MALT1: variants seen among roughly 807,000 people sequenced by gnomAD.
MALT1 encodes mucosa-associated lymphoid tissue lymphoma translocation protein 1.
In MALT1, 36 loss-of-function variants were observed where a neutral mutation model predicts 85.5. The ratio of observed to expected loss-of-function variants is 0.42; its 90% confidence interval spans 0.32 to 0.56. The LOEUF (loss-of-function observed/expected upper bound fraction) is 0.56, where lower values mean the gene tolerates loss of function less well. MALT1 is among the 20% of genes least tolerant of loss of function. The probability of loss-of-function intolerance (pLI) is 0.10; values close to 1 mark genes in which losing one functional copy is unlikely to be tolerated. For missense variants in MALT1, 716 were observed against 981.6 expected (o/e 0.73, Z 3.62); for synonymous variants, 359 against 361.3 (o/e 0.99, Z 0.07).
intron 9 of MALT1, among the ~76,000 whole-genome samples, chr18:58,717,928 A>G (rs1358596169): frequency 6.6e-6 from 1 of 152,188 alleles, no homozygotes; most frequent in Non-Finnish European, 1.5e-5. Context: ...AGAGGAGCAT[A>G]CATATGTCTT....
At chr18:58,704,539 C>G (rs1313024834) in intron 4 of MALT1, among the ~76,000 whole-genome samples, 1 of 152,354 alleles carries the variant, frequency 6.6e-6, no homozygotes, top group Non-Finnish European at 1.5e-5. Flanking sequence ...TCACTGCAAC[C>G]TCTGCCTCCC....
At chr18:58,710,890 A>G (rs766601309) in intron 6 of MALT1, 31 bp from the exon 7 acceptor site, 4 of 1,501,216 alleles carry the variant, frequency 2.7e-6, no homozygotes, top group East Asian at 2.3e-5. Flanking sequence ...ATGAATTACA[A>G]TATATTCAAA....
chr18:58,679,596 C>T (rs774493718), intron 1 of MALT1, among the ~76,000 whole-genome samples: 2 of 152,160 alleles, frequency 1.3e-5, no homozygotes, highest in Non-Finnish European at 2.9e-5. Flanking sequence ...ATCTGTCGCC[C>T]AAGCTGGAGT....
rs77248414 is a variant in MALT1, at chr18:58,675,873, C to T, written c.209+4021C>T. On this transcript the variant is annotated intron_variant, in intron 1 of 16. Transcript: ENST00000649217. The stretch of plus-strand genomic sequence containing the variant: ...CATCTTCTCTTGAATGACTAAGACA[C>T]GTCTTAAATATAACATGTCCAAAAT... Among the ~76,000 whole-genome samples the T allele has an allele frequency of 7.2e-3, 1,095 of 152,288 alleles. 15 individuals are homozygous for T. Among genetic ancestry groups the T allele is most frequent in the African/African-American group, 0.025 (1,041 of 41,544 alleles).
chr18:58,692,390 T>C (rs1294555180), intron 2 of MALT1, among the ~76,000 whole-genome samples: 9 of 150,176 alleles, frequency 6.0e-5, no homozygotes, highest in African/African-American at 2.4e-5. Context: ...TTCCAACTGC[T>C]CCACCGACTG....
intron 1 of MALT1, among the ~76,000 whole-genome samples, chr18:58,678,090 C>T (rs957466624): frequency 6.6e-6 from 1 of 152,116 alleles, no homozygotes; most frequent in Non-Finnish European, 1.5e-5. Context: ...CATGGATTAG[C>T]TATTTAATTC....
chr18:58,729,539 GA>G (rs926070981), intron 10 of MALT1, among the ~76,000 whole-genome samples: 4 of 148,020 alleles, frequency 2.7e-5, no homozygotes, highest in Non-Finnish European at 4.5e-5. Context: ...AATACAAGGA[GA>G]AAAAAACACT....
chr18:58,705,018 T>C (rs1258526581), intron 4 of MALT1, among the ~76,000 whole-genome samples: 2 of 152,138 alleles, frequency 1.3e-5, no homozygotes, highest in Non-Finnish European at 2.9e-5. Flanking sequence ...GGACTGGGAT[T>C]ACAGGTGTGA....
chr18:58,708,021 C>T (rs1252342787), intron 4 of MALT1, among the ~76,000 whole-genome samples: 8 of 152,200 alleles, frequency 5.3e-5, no homozygotes, highest in Non-Finnish European at 8.8e-5. Flanking sequence ...CAACCCCACC[C>T]TTGTCTCTTC....
At chr18:58,714,317 G>T (rs956674886) in intron 8 of MALT1, among the ~76,000 whole-genome samples, 1 of 152,024 alleles carries the variant, frequency 6.6e-6, no homozygotes, top group African/African-American at 2.4e-5. Flanking sequence ...AAACTGTAAG[G>T]GTAGAAAAGA....
At chr18:58,710,207 T>C (rs1224725206) in intron 6 of MALT1, 135 bp downstream of exon 6, 5 of 427,832 alleles carry the variant, frequency 1.2e-5, no homozygotes, top group African/African-American at 8.2e-5. Flanking sequence ...TTAGAAGTTA[T>C]ATTGTTTATA....
At chr18:58,713,939 G>GCTT in intron 7 of MALT1, 144 bp from the exon 8 acceptor site, 1 of 510,832 alleles carries the variant, frequency 2.0e-6, no homozygotes, top group Non-Finnish European at 3.5e-6. Context: ...TATTTGCATG[G>GCTT]CTTCTTCATT....
chr18:58,751,545 G>T lies in MALT1; in HGVS notation c.*3703G>T, dbSNP rs1288713322. On this transcript the variant is annotated 3_prime_UTR_variant, in exon 17 of 17. Transcript: ENST00000649217. ...ATCTAAACATGTAATTTTAAAACGG[G>T]CTTAAGAAGAATGATAACAGTTTTG... 1 of 152,112 alleles carries T rather than the reference G, an allele frequency of 6.6e-6. No individual in the cohort carries two copies. The highest frequency in any genetic ancestry group is 1.9e-4 in the East Asian group (1 of 5,194). 9.4% of individuals were successfully genotyped at this position (152,112 alleles called of 1,614,324 possible).
At chr18:58,746,315 A>G (rs921516133) in intron 16 of MALT1, among the ~76,000 whole-genome samples, 1 of 152,198 alleles carries the variant, frequency 6.6e-6, no homozygotes, top group African/African-American at 2.4e-5. Context: ...TTCCACTCCC[A>G]GCTCCATATT....
rs967542589 is a variant in MALT1, at chr18:58,671,864, G to A, written c.209+12G>A. The A allele has an allele frequency of 4.1e-6, 5 of 1,217,174 alleles. No homozygotes were observed. Among genetic ancestry groups the A allele is most frequent in the Admixed American group, 4.3e-5 (1 of 23,080 alleles). 75.4% of individuals were successfully genotyped at this position (1,217,174 alleles called of 1,614,324 possible). A position where few individuals can be genotyped will look rare whatever the true frequency, so the allele number is the denominator to read the frequency against. ...CGCCTCCGCCTCAGGTGAGCTCAGGGCCGCGGCAGGCCGGGCGCGCGGGTC... is the reference window on the plus strand; with the variant it reads ...CGCCTCCGCCTCAGGTGAGCTCAGGACCGCGGCAGGCCGGGCGCGCGGGTC... On this transcript the variant is annotated intron_variant, in intron 1 of 16. Coordinates refer to ENST00000649217, the MANE Select transcript of MALT1 (RefSeq NM_006785.4).
intron 10 of MALT1, among the ~76,000 whole-genome samples, chr18:58,727,289 GT>G (rs2055069595): frequency 7.8e-6 from 1 of 127,538 alleles, no homozygotes; most frequent in South Asian, 2.9e-4. Context: ...TTTTTTTTTG[GT>G]TTTGGGTTTT....
intron 1 of MALT1, chr18:58,672,741 T>C (rs1462228708): frequency 6.6e-6 from 1 of 152,200 alleles, no homozygotes. Flanking sequence ...TGGTTTTCAT[T>C]TTGAAGATCT....
intron 1 of MALT1, chr18:58,672,554 A>T (rs2144288210): frequency 6.6e-6 from 1 of 152,374 alleles, no homozygotes; most frequent in African/African-American, 2.4e-5. Flanking sequence ...TATGTGGGTT[A>T]GAGATAATAC....
At chr18:58,743,669 C>T (rs62093490) in intron 14 of MALT1, among the ~76,000 whole-genome samples, 229 of 152,120 alleles carry the variant, frequency 1.5e-3, no homozygotes, top group Non-Finnish European at 2.4e-3. Context: ...ACAAATTCAA[C>T]AATCCACACT....
Sources: gnomAD v4.1 joint callset for allele counts (sites outside exome capture counted in the v4.1 genomes callset) on GRCh38, gnomAD v4.1.1 for gene constraint, MANE v1.5 for transcripts, NCBI Gene and HGNC (gene_info 2026-07-23, HGNC 2026-07-21) for gene names.